The following MARS1 variants were observed in gnomAD, a reference collection of about 807,000 sequenced individuals.
MARS1 encodes methionyl-tRNA synthetase 1, also known as methionine--tRNA ligase, cytoplasmic.
Under a neutral mutation model 119.5 loss-of-function variants are expected in MARS1, and 80 were observed. That is an observed-to-expected ratio of 0.67 (90% CI 0.56 to 0.81). The LOEUF (loss-of-function observed/expected upper bound fraction) is 0.81. Ranked by LOEUF, MARS1 falls within the 30% of genes least tolerant of loss-of-function variation. The pLI is 0.00. For missense variants in MARS1, 945 were observed against 1,116.5 expected, an observed-to-expected ratio of 0.85 and a Z score of 2.19; for synonymous variants, 418 against 433.4, an observed-to-expected ratio of 0.96 and a Z score of 0.44.
chr12:57,488,501 A>C, intron 1 of MARS1: 8 of 1,400,208 alleles, frequency 5.7e-6, no homozygotes, highest in Non-Finnish European at 7.9e-6. Context: ...CCTATCAGGC[A>C]TCCCCCTCTG....
At chr12:57,509,123 CA>C (rs1449718093) in intron 11 of MARS1, among the ~76,000 whole-genome samples, 1 of 151,922 alleles carries the variant, frequency 6.6e-6, no homozygotes, top group African/African-American at 2.4e-5. Flanking sequence ...AATTTATTTT[CA>C]TGTTCAAATT....
Position 57,514,665 on chromosome 12 carries a change from C to T in MARS1, c.1968-55C>T, listed in dbSNP as rs867572010. On this transcript the variant is annotated intron_variant, in intron 15 of 20. Coordinates refer to ENST00000262027, the MANE Select transcript of MARS1 (RefSeq NM_004990.4). ...ATTGGGTGAAATTCTAACAAGGAGA[C>T]GGGATAATAACTTCCCCTCTTTTTT... 72 of 1,603,052 alleles carry T rather than the reference C, an allele frequency of 4.5e-5. No individual in the cohort carries two copies. In the Middle Eastern group the frequency reaches 5.1e-4, roughly 11 times the overall value.
intron 7 of MARS1, among the ~76,000 whole-genome samples, chr12:57,495,501 C>G (rs1173766337): frequency 1.3e-5 from 2 of 151,880 alleles, no homozygotes; most frequent in Non-Finnish European, 2.9e-5. Context: ...GGAAGAGGCG[C>G]TCCTCACTTC....
At chr12:57,506,331 G>A (rs1288501553) in intron 11 of MARS1, among the ~76,000 whole-genome samples, 1 of 152,128 alleles carries the variant, frequency 6.6e-6, no homozygotes, top group Admixed American at 6.5e-5. Flanking sequence ...GGGAGGCTAA[G>A]GTAGGAGGGT....
At chr12:57,508,549 C>T (rs1239963948) in intron 11 of MARS1, among the ~76,000 whole-genome samples, 1 of 152,254 alleles carries the variant, frequency 6.6e-6, no homozygotes, top group East Asian at 1.9e-4. Context: ...CAATCGCAGG[C>T]ACTCGGCAGG....
At chr12:57,496,237 C>T (rs1472841405) in intron 7 of MARS1, among the ~76,000 whole-genome samples, 1 of 149,610 alleles carries the variant, frequency 6.7e-6, no homozygotes, top group Non-Finnish European at 1.5e-5. Context: ...AATCTAGGCT[C>T]ACGGCAACCT....
rs137948285 is a variant in MARS1, at chr12:57,504,849, G to A, written c.1368+550G>A. ...CTCCAGAATAGCTGGGATTACAGGC[G>A]TCTGCCACCATGCCCGGCTAATTTT... On this transcript the variant is annotated intron_variant, in intron 11 of 20. Coordinates refer to ENST00000262027, the MANE Select transcript of MARS1 (RefSeq NM_004990.4). 5.7e-3 allele frequency among the ~76,000 whole-genome samples: 871 copies of A among 151,902 alleles called. 7 individuals are homozygous for A. Among genetic ancestry groups the A allele is most frequent in the African/African-American group, 0.02 (835 of 41,396 alleles).
At chr12:57,507,514 C>T (rs1387547161) in intron 11 of MARS1, among the ~76,000 whole-genome samples, 1 of 73,530 alleles carries the variant, frequency 1.4e-5, no homozygotes, top group East Asian at 4.2e-4. Flanking sequence ...CTGCATGGGG[C>T]GGCTGGCCGG....
At chr12:57,494,781 C>G (rs1876501634) in intron 7 of MARS1, among the ~76,000 whole-genome samples, 1 of 152,066 alleles carries the variant, frequency 6.6e-6, no homozygotes, top group Admixed American at 6.6e-5. Context: ...CCATTTAACC[C>G]TGAGTGGACA....
intron 11 of MARS1, 113 bp from the exon 12 acceptor site, chr12:57,511,585 A>G (rs1043185977): frequency 4.4e-6 from 5 of 1,125,892 alleles, no homozygotes; most frequent in Non-Finnish European, 6.4e-6. Flanking sequence ...TCTGTCTCCA[A>G]AAAAAAAGTT....
intron 10 of MARS1, among the ~76,000 whole-genome samples, chr12:57,503,709 T>G (rs1008982375): frequency 6.6e-6 from 1 of 152,080 alleles, no homozygotes; most frequent in African/African-American, 2.4e-5. Context: ...GCCCAGCTAA[T>G]TTTTGTATTT....
chr12:57,508,654 A>G (rs375954539), intron 11 of MARS1, among the ~76,000 whole-genome samples: 7 of 149,364 alleles, frequency 4.7e-5, no homozygotes, highest in Non-Finnish European at 7.5e-5. Context: ...GACCGTGGAA[A>G]GAGAGGGAGA....
intron 11 of MARS1, among the ~76,000 whole-genome samples, chr12:57,510,490 G>T (rs1328507539): frequency 6.6e-6 from 1 of 151,380 alleles, no homozygotes; most frequent in Non-Finnish European, 1.5e-5. Context: ...TTTTTTTTTG[G>T]TTGGGCATGC....
Position 57,489,764 on chromosome 12 carries a change from TTAAG to T in MARS1, c.415-130_415-127del, listed in dbSNP as rs1162092267. 8 of 1,073,010 alleles carry T rather than the reference TTAAG, an allele frequency of 7.5e-6. No individual in the cohort carries two copies. In the East Asian group the frequency reaches 9.4e-5, roughly 13 times the overall value. The allele number at this position is 1,073,010 out of a possible 1,614,324, so 66.5% of individuals were successfully genotyped here. ...CTATCTCAGTGAGTTATTGTGAGGA[TTAAG>T]TGAGATCATATAAAGTGCTTAATAC... On this transcript the variant is annotated intron_variant, in intron 4 of 20. Transcript: ENST00000262027.
rs1223070419 is a variant in MARS1, at chr12:57,515,184, A to T, written c.2239A>T (p.Asn747Tyr). ...RAGTVTGLAV[N>Y]IAALLSVMLQ... ...AGGAACAGTGACTGGCTTGGCAGTG[A>T]ATATAGCTGCCTTGCTCTCTGTCAT... The change falls in exon 18 of 21, where the codon AAT becomes TAT. Residue 747 changes from asparagine (N) to tyrosine (Y), a missense_variant. Coordinates refer to ENST00000262027, the MANE Select transcript of MARS1 (RefSeq NM_004990.4). 2 of 1,614,144 alleles carry T rather than the reference A, an allele frequency of 1.2e-6. No homozygotes were observed. Among genetic ancestry groups the T allele is most frequent in the Admixed American group, 3.3e-5 (2 of 60,020 alleles).
rs1334747049 is a variant in MARS1, at chr12:57,515,317, C to G, written c.2372C>G (p.Ala791Gly). The change falls in exon 18 of 21, where the codon GCA (alanine) becomes GGA (glycine). Residue 791 changes from alanine to glycine, a missense_variant. Ala to Gly is a moderately conservative substitution (Grantham distance 60, BLOSUM62 0). Transcript: ENST00000262027. ...ACAAACTTCCTGTGTACCTTACCAGCAGGACACCAGATTGGCACAGTAGGT... is the reference window on the plus strand; with the variant it reads ...ACAAACTTCCTGTGTACCTTACCAGGAGGACACCAGATTGGCACAGTAGGT... The part of the protein sequence containing the change: ...LLTNFLCTLP[A>G]GHQIGTVSPL... 6.2e-7 allele frequency: 1 copy of G among 1,613,162 alleles called. No homozygotes were observed.
chr12:57,509,606 C>T (rs1270636090), intron 11 of MARS1, among the ~76,000 whole-genome samples: 1 of 152,116 alleles, frequency 6.6e-6, no homozygotes, highest in Non-Finnish European at 1.5e-5. Flanking sequence ...GACAGGGTTT[C>T]ACCATGTTGG....
intron 7 of MARS1, among the ~76,000 whole-genome samples, chr12:57,495,481 T>G (rs1186588846): frequency 2.0e-5 from 3 of 147,302 alleles, no homozygotes; most frequent in Non-Finnish European, 4.5e-5. Context: ...CCTAGACAGG[T>G]TGACGGCGGG....
intron 7 of MARS1, among the ~76,000 whole-genome samples, chr12:57,495,064 A>G (rs1876522570): frequency 6.6e-6 from 1 of 151,196 alleles, no homozygotes; most frequent in Non-Finnish European, 1.5e-5. Flanking sequence ...GGGGCTCCTC[A>G]CTTCCCAGAC....
Sources: gnomAD v4.1 joint callset for allele counts (sites outside exome capture counted in the v4.1 genomes callset) on GRCh38, gnomAD v4.1.1 for gene constraint, MANE v1.5 for transcripts, NCBI Gene and HGNC (gene_info 2026-07-23, HGNC 2026-07-21) for gene names.